Variants in PC observed in about 807,000 individuals in gnomAD.
PC encodes pyruvate carboxylase, also known as pyruvate carboxylase, mitochondrial.
In PC, 46 loss-of-function variants were observed where a neutral mutation model predicts 107.8. The ratio of observed to expected loss-of-function variants is 0.43; its 90% CI spans 0.34 to 0.55. The LOEUF (loss-of-function observed/expected upper bound fraction) is 0.55, where lower values mean the gene tolerates loss of function less well. Among genes scored for constraint, PC ranks in the 20% least tolerant of loss-of-function variants. The pLI is 0.04. For synonymous variants in PC, 662 were observed against 684.7 expected, an observed-to-expected ratio of 0.97 and a Z score of 0.52; for missense variants, 1,241 against 1,643.1, an observed-to-expected ratio of 0.76 and a Z score of 4.23.
Position 66,852,560 on chromosome 11 carries a change from C to T in PC, c.1704G>A (p.Thr568=), listed in dbSNP as rs549934922. Residue 568 remains threonine, a synonymous_variant, in exon 15 of 23, where the codon ACG becomes ACA. Transcript: ENST00000393960. This position sits in a 1 kb window ranked among gnomAD's most constrained non-coding sequence, Gnocchi z 4.7. ...GTGACTGGTGGGCGTCCCTGAAGGT[C>T]GTGTCCATCAGCAGCAGCCCCGGGT... is the stretch of plus-strand genomic sequence containing the variant. The part of the protein sequence containing the change: ...RNHPGLLLMD[T]TFRDAHQSLL... The T allele has an allele frequency of 1.9e-5, 31 of 1,613,900 alleles. No homozygotes were observed. The highest frequency in any genetic ancestry group is 5.0e-5 in the Admixed American group (3 of 60,014).
intron 12 of PC, chr11:66,859,797 C>T: frequency 6.3e-7 from 1 of 1,595,322 alleles, no homozygotes; most frequent in Non-Finnish European, 8.5e-7. Flanking sequence ...GCCGGCCTCG[C>T]CCCTGTGCCA....
chr11:66,866,421 G>A lies in PC; in HGVS notation c.1023-72C>T. 1.7e-6 allele frequency: 2 copies of A among 1,152,788 alleles called. No homozygotes were observed. The highest frequency in any genetic ancestry group is 1.5e-5 in the African/African-American group (1 of 66,034). 71.4% of individuals were successfully genotyped at this position (1,152,788 alleles called of 1,614,324 possible). A position where few individuals can be genotyped will look rare whatever the true frequency, so the allele number is the denominator to read the frequency against. On this transcript the variant is annotated intron_variant, in intron 10 of 22. Transcript: ENST00000393960. The surrounding 1 kb of genome is among the most constrained non-coding windows in gnomAD (Gnocchi z 5.4). Reference sequence around the variant, plus strand: ...AACATGAGGCGGGGGATAGACGAGGGGCACCGCAGCCAGTGGGGCGTCCAC... The same window carrying A: ...AACATGAGGCGGGGGATAGACGAGGAGCACCGCAGCCAGTGGGGCGTCCAC...
At chr11:66,889,605 C>T (rs1335230635) in intron 3 of PC, among the ~76,000 whole-genome samples, 1 of 152,100 alleles carries the variant, frequency 6.6e-6, no homozygotes, top group Non-Finnish European at 1.5e-5. Context: ...AACTCCTGAC[C>T]TCAAGTGATC....
Position 66,870,944 on chromosome 11 carries a change from C to T in PC, c.634-52G>A. The T allele has an allele frequency of 3.1e-6, 5 of 1,604,654 alleles. No individual in the cohort carries two copies. Among genetic ancestry groups the T allele is most frequent in the Non-Finnish European group, 3.4e-6 (4 of 1,174,372 alleles). ...GACCTCAGACCCCACAGCGCTACCT[C>T]TCCCCTGCCATGAACCCCACCCACT... On this transcript the variant is annotated intron_variant, in intron 7 of 22. Coordinates refer to ENST00000393960, the MANE Select transcript of PC (RefSeq NM_001040716.2). This position sits in a 1 kb window ranked among gnomAD's most constrained non-coding sequence, Gnocchi z 6.1.
intron 3 of PC, among the ~76,000 whole-genome samples, chr11:66,921,165 A>G (rs570649779): frequency 2.0e-4 from 31 of 152,320 alleles, no homozygotes; most frequent in African/African-American, 7.2e-4. Context: ...GTCGTGAGGA[A>G]GACAAACCAC....
intron 3 of PC, among the ~76,000 whole-genome samples, chr11:66,902,048 AC>A (rs1474606930): frequency 1.3e-5 from 2 of 152,178 alleles, no homozygotes; most frequent in African/African-American, 4.8e-5. Context: ...TTACCAAAGT[AC>A]CCAGTCCATG....
In PC at chr11:66,871,301, C is replaced by G. The variant is rs761007285; in HGVS notation, c.487+14G>C. On this transcript the variant is annotated intron_variant, in intron 6 of 22. Transcript: ENST00000393960. The surrounding 1 kb of genome is among the most constrained non-coding windows in gnomAD (Gnocchi z 7.4). Reference sequence around the variant, plus strand: ...GAGCTGCGGGGCCACCCCTTGCTTGCCCGTTATATTCACCCGCAGCAATGG... The same window carrying G: ...GAGCTGCGGGGCCACCCCTTGCTTGGCCGTTATATTCACCCGCAGCAATGG... 3.1e-6 allele frequency: 5 copies of G among 1,614,058 alleles called. No individual in the cohort carries two copies. In the South Asian group the frequency reaches 5.5e-5, roughly 18 times the overall value.
At chr11:66,955,751 G>A (rs1436420919) in intron 1 of PC, among the ~76,000 whole-genome samples, 1 of 151,884 alleles carries the variant, frequency 6.6e-6, no homozygotes, top group Non-Finnish European at 1.5e-5. Flanking sequence ...GGCCCTCAGA[G>A]CCCTGTCTGC....
At position 66,858,036 on chromosome 11, in the gene PC, C is replaced by T; in HGVS notation, c.1369-4653G>A. The T allele has an allele frequency of 1.2e-6, 2 of 1,611,594 alleles. No individual in the cohort carries two copies. The highest frequency in any genetic ancestry group is 1.7e-6 in the Non-Finnish European group (2 of 1,179,672). ...CCGCGCCTTTGGGGACCTCGAGAGC[C>T]TGCGTTCCCTCCACCTTGACGGCAA... On this transcript the variant is annotated intron_variant, in intron 12 of 22. Coordinates refer to ENST00000393960, the MANE Select transcript of PC (RefSeq NM_001040716.2). This position sits in a 1 kb window ranked among gnomAD's most constrained non-coding sequence, Gnocchi z 5.9.
At chr11:66,936,256 C>A (rs779739781) in intron 3 of PC, among the ~76,000 whole-genome samples, 33 of 141,922 alleles carry the variant, frequency 2.3e-4, no homozygotes, top group Admixed American at 7.0e-4. Flanking sequence ...CACACACACA[C>A]AAAAAAAAGG....
intron 3 of PC, among the ~76,000 whole-genome samples, chr11:66,891,900 T>A (rs1947590088): frequency 6.6e-6 from 1 of 152,242 alleles, no homozygotes; most frequent in Non-Finnish European, 1.5e-5. Context: ...TGAAGTTGGC[T>A]ATTTTCTTAT....
intron 11 of PC, 110 bp from the exon 12 acceptor site, chr11:66,864,066 G>A (rs984891172): frequency 3.7e-6 from 4 of 1,087,620 alleles, no homozygotes; most frequent in Admixed American, 1.8e-5. Flanking sequence ...AGAGCAGAGC[G>A]TGGGGTGTCT....
intron 13 of PC, 87 bp downstream of exon 13, chr11:66,853,152 G>T: frequency 6.7e-7 from 1 of 1,489,420 alleles, no homozygotes; most frequent in Non-Finnish European, 9.2e-7. Flanking sequence ...GGAGTTCTTT[G>T]GTCATGGGGA....
chr11:66,865,430 C>T (rs1042624474), intron 11 of PC, among the ~76,000 whole-genome samples: 2 of 152,254 alleles, frequency 1.3e-5, no homozygotes, highest in East Asian at 1.9e-4. Flanking sequence ...GCTGGCAGCA[C>T]GTGCAGGGCT....
At chr11:66,895,211 G>T (rs1430288880) in intron 3 of PC, among the ~76,000 whole-genome samples, 1 of 152,056 alleles carries the variant, frequency 6.6e-6, no homozygotes, top group Non-Finnish European at 1.5e-5. Context: ...GGGGGTGGCA[G>T]GTTACGTGAC....
At chr11:66,859,373 A>G (rs548975771) in intron 12 of PC, among the ~76,000 whole-genome samples, 23 of 152,226 alleles carry the variant, frequency 1.5e-4, no homozygotes, top group African/African-American at 5.3e-4. Flanking sequence ...GTCTGTCTGA[A>G]GCACATGGCC....
chr11:66,897,185 A>C (rs956638269), intron 3 of PC, among the ~76,000 whole-genome samples: 13 of 152,068 alleles, frequency 8.5e-5, no homozygotes, highest in African/African-American at 3.1e-4. Flanking sequence ...CCACCTGCCT[A>C]GGCGTCCCAA....
At chr11:66,873,435 A>ATATAT (rs1331642731) in intron 3 of PC, among the ~76,000 whole-genome samples, 1 of 87,012 alleles carries the variant, frequency 1.1e-5, no homozygotes, top group Non-Finnish European at 2.1e-5. Context: ...TATATATATT[A>ATATAT]TATATTATAT....
chr11:66,849,071 T>C lies in PC; in HGVS notation c.3365A>G (p.Asp1122Gly), dbSNP rs781515936. 6.2e-7 allele frequency: 1 copy of C among 1,614,094 alleles called. No individual in the cohort carries two copies. The highest frequency in any genetic ancestry group is 8.5e-7 in the Non-Finnish European group (1 of 1,180,016). The change falls in exon 23 of 23, where the codon GAC becomes GGC. Residue 1122 changes from aspartate to glycine, a missense_variant. Transcript: ENST00000393960. ...IGAPMPGKVIDIKVVAGAKVA... is the reference protein window; with the variant it reads ...IGAPMPGKVIGIKVVAGAKVA... ...CTTGGCCCCTGCCACCACTTTGATG[T>C]CTATCACCTTCCCAGGCATGGGCGC...
Sources: allele counts gnomAD v4.1 joint callset (sites outside exome capture counted in the v4.1 genomes callset), GRCh38; gene constraint gnomAD v4.1.1; non-coding constraint Gnocchi (gnomAD v3.1); transcripts MANE v1.5; gene names NCBI Gene and HGNC (gene_info 2026-07-23, HGNC 2026-07-21).